The following FAM221B variants were observed in gnomAD, a reference collection of about 807,000 sequenced individuals.
FAM221B encodes the protein family with sequence similarity 221 member B, also known as protein FAM221B.
A neutral mutation model predicts 39.8 loss-of-function variants in FAM221B; 35 were observed. The ratio of observed to expected loss-of-function variants is 0.88; its 90% CI spans 0.67 to 1.17. The LOEUF is 1.17. FAM221B is among the 50% of genes most tolerant of loss of function. FAM221B has a pLI of 0.00. For synonymous variants in FAM221B, 158 were observed against 178.1 expected (o/e 0.89, Z 0.90); for missense variants, 479 against 503.1 (o/e 0.95, Z 0.46).
At chr9:35,821,924 G>T (rs531684697) in intron 3 of FAM221B, among the ~76,000 whole-genome samples, 3 of 152,184 alleles carry the variant, frequency 2.0e-5, no homozygotes, top group Admixed American at 6.5e-5. Flanking sequence ...AAGGCCTGGC[G>T]GGGGAGGAGA....
intron 3 of FAM221B, among the ~76,000 whole-genome samples, chr9:35,824,632 A>G (rs1211705950): frequency 6.7e-6 from 1 of 149,118 alleles, no homozygotes; most frequent in Non-Finnish European, 1.5e-5. Flanking sequence ...TCTGGGCCCT[A>G]TATCTGGGGT....
At chr9:35,821,056 G>A (rs1355496253) in intron 3 of FAM221B, among the ~76,000 whole-genome samples, 1 of 152,180 alleles carries the variant, frequency 6.6e-6, no homozygotes, top group Non-Finnish European at 1.5e-5. Flanking sequence ...CCACCAAAAA[G>A]GTGTCCCTGA....
intron 3 of FAM221B, among the ~76,000 whole-genome samples, chr9:35,822,563 A>G (rs947882465): frequency 2.6e-5 from 4 of 152,034 alleles, no homozygotes; most frequent in African/African-American, 9.7e-5. Flanking sequence ...GTCCGCCACC[A>G]CACCCGGCTA....
chr9:35,819,746 C>T (rs1313276720), intron 4 of FAM221B, 144 bp downstream of exon 4: 3 of 621,634 alleles, frequency 4.8e-6, no homozygotes, highest in Non-Finnish European at 8.8e-6. Context: ...GACCTTTGAT[C>T]CACCCGCCTC....
At chr9:35,819,742 T>C in intron 4 of FAM221B, 148 bp downstream of exon 4, 1 of 636,782 alleles carries the variant, frequency 1.6e-6, no homozygotes, top group East Asian at 2.8e-5. Context: ...TCCTGACCTT[T>C]GATCCACCCG....
At position 35,816,601 on chromosome 9, in the gene FAM221B, T is replaced by A. The variant is rs1829027135; in HGVS notation, c.*1868A>T. The A allele has an allele frequency of 6.6e-6, 1 of 152,170 alleles. No homozygotes were observed. Among genetic ancestry groups the A allele is most frequent in the Admixed American group, 6.5e-5 (1 of 15,276 alleles). The allele number at this position is 152,170 out of a possible 1,614,324, so 9.4% of individuals were successfully genotyped here. A position where few individuals can be genotyped will look rare whatever the true frequency, so the allele number is the denominator to read the frequency against. Reference sequence around the variant, plus strand: ...GCTGCTTATTATTTCCTTCAATGAGTTTATCATAGTAATCCTAACTCTATT... The same window carrying A: ...GCTGCTTATTATTTCCTTCAATGAGATTATCATAGTAATCCTAACTCTATT... On this transcript the variant is annotated 3_prime_UTR_variant, in exon 7 of 7. Coordinates refer to ENST00000423537, the MANE Select transcript of FAM221B (RefSeq NM_001012446.4).
At position 35,819,410 on chromosome 9, in the gene FAM221B, T is replaced by C. The variant is rs1453369740; in HGVS notation, c.854-16A>G. On this transcript the variant is annotated splice_polypyrimidine_tract_variant and intron_variant, in intron 4 of 6. Coordinates refer to ENST00000423537, the MANE Select transcript of FAM221B (RefSeq NM_001012446.4). Reference sequence around the variant, plus strand: ...ACCGATATGTCTGTGGGATTGGGGATGGATGGTAGGGTTAATCTGATAGGA... The same window carrying C: ...ACCGATATGTCTGTGGGATTGGGGACGGATGGTAGGGTTAATCTGATAGGA... The C allele has an allele frequency of 1.3e-6, 2 of 1,549,330 alleles. No homozygotes were observed. Among genetic ancestry groups the C allele is most frequent in the South Asian group, 2.4e-5 (2 of 83,924 alleles).
In FAM221B at chr9:35,819,259, C is replaced by A. The variant is rs895682868; in HGVS notation, c.989G>T (p.Cys330Phe). 1 of 1,551,610 alleles carries A rather than the reference C, an allele frequency of 6.4e-7. No individual in the cohort carries two copies. ...TTCTTCGTGGCTGTGTTTGCAGCGA[C>A]ATTGGGCCCTCCAGGCCTTGGGGTC... ...TFDPKAWRAQ[C>F]RCKHSHEEHA... Residue 330 changes from cysteine to phenylalanine, a missense_variant, in exon 5 of 7, where the codon TGT becomes TTT. Cys to Phe is a radical substitution (Grantham distance 205, BLOSUM62 -2). Coordinates refer to ENST00000423537, the MANE Select transcript of FAM221B (RefSeq NM_001012446.4).
intron 1 of FAM221B, among the ~76,000 whole-genome samples, chr9:35,827,264 C>G (rs1344263451): frequency 6.6e-6 from 1 of 152,182 alleles, no homozygotes; most frequent in East Asian, 1.9e-4. Flanking sequence ...ATTCTCTCCT[C>G]TCCCTTCCAA....
chr9:35,823,526 T>C (rs915110617), intron 3 of FAM221B, among the ~76,000 whole-genome samples: 2 of 152,236 alleles, frequency 1.3e-5, no homozygotes, highest in Non-Finnish European at 2.9e-5. Context: ...TGTTCGGGGT[T>C]GAATGACATG....
intron 1 of FAM221B, among the ~76,000 whole-genome samples, chr9:35,827,690 T>C (rs1829431257): frequency 6.6e-6 from 1 of 152,244 alleles, no homozygotes; most frequent in Non-Finnish European, 1.5e-5. Context: ...TTCTTGGCCC[T>C]GGCATTCAAG....
intron 3 of FAM221B, chr9:35,821,358 A>G: frequency 9.6e-7 from 1 of 1,037,758 alleles, no homozygotes; most frequent in Non-Finnish European, 1.4e-6. Context: ...GAATAAGGAG[A>G]GTGGCATCAT....
chr9:35,819,802 G>C lies in FAM221B; in HGVS notation c.853+88C>G, dbSNP rs114125419. On this transcript the variant is annotated intron_variant, in intron 4 of 6. Transcript: ENST00000423537. Reference sequence around the variant, plus strand: ...TTACAGGGGTGAGCCACCGTGCCCAGCCACATGCTCTCTCTCATACTTCCC... The same window carrying C: ...TTACAGGGGTGAGCCACCGTGCCCACCCACATGCTCTCTCTCATACTTCCC... 4,078 of 928,212 alleles carry C rather than the reference G, an allele frequency of 4.4e-3. 106 individuals are homozygous for C. The African/African-American group carries it at 0.056, about 13-fold the overall frequency. 57.5% of individuals were successfully genotyped at this position (928,212 alleles called of 1,614,324 possible).
chr9:35,826,047 A>C lies in FAM221B; in HGVS notation c.115T>G (p.Phe39Val). Residue 39 changes from phenylalanine (F) to valine (V), a missense_variant, in exon 2 of 7, where the codon TTC (phenylalanine) becomes GTC (valine). Physicochemically the swap from Phe to Val is conservative, Grantham distance 50. Transcript: ENST00000423537. ...DLQENHISESFLKPSTSETPL... is the reference protein window; with the variant it reads ...DLQENHISESVLKPSTSETPL... The stretch of plus-strand genomic sequence containing the variant: ...GTCTCAGAGGTGGAAGGCTTCAAGA[A>C]GCTTTCAGAGATATGGTTCTCCTGT... 6.2e-7 allele frequency: 1 copy of C among 1,614,108 alleles called. No homozygotes were observed. Among genetic ancestry groups the C allele is most frequent in the Non-Finnish European group, 8.5e-7 (1 of 1,180,016 alleles).
chr9:35,819,751 C>T (rs566991246), intron 4 of FAM221B, 139 bp downstream of exon 4: 27 of 639,354 alleles, frequency 4.2e-5, no homozygotes, highest in Non-Finnish European at 6.2e-5. Context: ...TTGATCCACC[C>T]GCCTCCGCCT....
chr9:35,827,351 C>A lies in FAM221B; in HGVS notation c.-1+1112G>T, dbSNP rs1283153954. Among the ~76,000 whole-genome samples the A allele has an allele frequency of 2.6e-5, 4 of 152,198 alleles. No homozygotes were observed. The East Asian group carries it at 7.7e-4, about 29-fold the overall frequency. On this transcript the variant is annotated intron_variant, in intron 1 of 6. Transcript: ENST00000423537. ...CTACTTCCATCCACAGCATTTTAATCCATTCACCCATTCTTTCATGGATTT... is the reference window on the plus strand; with the variant it reads ...CTACTTCCATCCACAGCATTTTAATACATTCACCCATTCTTTCATGGATTT...
rs1829535914 is a variant in FAM221B at position 35,828,644 on chromosome 9, T to A, written c.-182A>T. 1 of 985,512 alleles carries A rather than the reference T, an allele frequency of 1.0e-6. No individual in the cohort carries two copies. The allele number at this position is 985,512 out of a possible 1,614,324, so 61.0% of individuals were successfully genotyped here. ...GCTATCTGGGAAGGGGACTTGGATATCTGCAGAACTTCGCAAAGGAGCTCT... is the reference window on the plus strand; with the variant it reads ...GCTATCTGGGAAGGGGACTTGGATAACTGCAGAACTTCGCAAAGGAGCTCT... On this transcript the variant is annotated 5_prime_UTR_variant, in exon 1 of 7. Coordinates refer to ENST00000423537, the MANE Select transcript of FAM221B (RefSeq NM_001012446.4). The surrounding 1 kb of genome is among the most constrained non-coding windows in gnomAD (Gnocchi z 4.5).
intron 3 of FAM221B, among the ~76,000 whole-genome samples, chr9:35,824,889 C>G (rs1220177193): frequency 6.6e-6 from 1 of 152,038 alleles, no homozygotes; most frequent in Non-Finnish European, 1.5e-5. Context: ...CATCGTGTTA[C>G]CCAGGACAGT....
At chr9:35,823,628 A>T (rs1829201765) in intron 3 of FAM221B, among the ~76,000 whole-genome samples, 1 of 152,196 alleles carries the variant, frequency 6.6e-6, no homozygotes, top group African/African-American at 2.4e-5. Flanking sequence ...AGGAGTAGGG[A>T]GTAGACAGGA....
Sources: gnomAD v4.1 joint callset for allele counts (sites outside exome capture counted in the v4.1 genomes callset) on GRCh38, gnomAD v4.1.1 for gene constraint, Gnocchi (gnomAD v3.1) non-coding constraint, MANE v1.5 for transcripts, NCBI Gene and HGNC (gene_info 2026-07-23, HGNC 2026-07-21) for gene names.